Variants in CLCN3 observed in about 807,000 individuals in gnomAD.
CLCN3 encodes the protein Cl-/H+ antiporter 3.
CLCN3 carries 16 observed loss-of-function variants against 83.4 expected under a neutral mutation model. That is an observed-to-expected ratio of 0.19 (90% CI 0.13 to 0.29). The LOEUF is 0.29. CLCN3 is among the 10% of genes least tolerant of loss of function. The pLI, the probability that CLCN3 is intolerant of heterozygous loss-of-function variation, is 1.00. For missense variants in CLCN3, 544 were observed against 1,006.0 expected (o/e 0.54, Z 6.21); for synonymous variants, 322 against 346.2 (o/e 0.93, Z 0.78).
intron 1 of CLCN3, among the ~76,000 whole-genome samples, chr4:169,628,489 C>T (rs2150197404): frequency 6.6e-6 from 1 of 152,216 alleles, no homozygotes; most frequent in Non-Finnish European, 1.5e-5. Context: ...AGAAAACGGA[C>T]AAAAGACATA....
chr4:169,637,505 G>T (rs1430458089), intron 2 of CLCN3, among the ~76,000 whole-genome samples: 2 of 151,574 alleles, frequency 1.3e-5, no homozygotes, highest in Non-Finnish European at 2.9e-5. Flanking sequence ...AAATGGAAAA[G>T]AAAAAAAATT....
At chr4:169,687,562 G>C (rs1224442934) in intron 3 of CLCN3, 96 bp from the exon 4 acceptor site, 3 of 725,940 alleles carry the variant, frequency 4.1e-6, no homozygotes, top group Non-Finnish European at 4.6e-6. Context: ...TGAAATTACT[G>C]TTCTATGTAT....
chr4:169,659,193 A>G (rs907222773), intron 2 of CLCN3, among the ~76,000 whole-genome samples: 3 of 152,194 alleles, frequency 2.0e-5, no homozygotes, highest in African/African-American at 7.2e-5. Context: ...CAGGCATTTC[A>G]GGAGGAGAAT....
At chr4:169,679,417 G>A (rs894618215) in intron 2 of CLCN3, among the ~76,000 whole-genome samples, 6 of 151,838 alleles carry the variant, frequency 4.0e-5, no homozygotes, top group East Asian at 2.0e-4. Context: ...CTGGGCGGCC[G>A]GGCAGAGGGG....
intron 9 of CLCN3, among the ~76,000 whole-genome samples, chr4:169,703,308 C>T (rs1035395422): frequency 2.0e-5 from 3 of 152,172 alleles, no homozygotes; most frequent in Non-Finnish European, 4.4e-5. Context: ...TAACACAAAG[C>T]ATAGTAAAAC....
At chr4:169,651,533 A>G (rs1730731001) in intron 2 of CLCN3, among the ~76,000 whole-genome samples, 1 of 152,166 alleles carries the variant, frequency 6.6e-6, no homozygotes, top group Non-Finnish European at 1.5e-5. Context: ...ATGACATAGT[A>G]TTTGCATATC....
intron 2 of CLCN3, among the ~76,000 whole-genome samples, chr4:169,638,277 C>T (rs1730291008): frequency 6.6e-6 from 1 of 152,146 alleles, no homozygotes; most frequent in Non-Finnish European, 1.5e-5. Flanking sequence ...CTTCAGAATA[C>T]TTTACCTCTT....
chr4:169,698,881 GCTGT>G (rs1560866910), intron 9 of CLCN3, among the ~76,000 whole-genome samples: 1 of 152,134 alleles, frequency 6.6e-6, no homozygotes, highest in East Asian at 1.9e-4. Context: ...TTGGCTCCTG[GCTGT>G]CTATTTGCAT....
At chr4:169,633,912 G>C (rs1216074319) in intron 1 of CLCN3, among the ~76,000 whole-genome samples, 3 of 151,896 alleles carry the variant, frequency 2.0e-5, no homozygotes, top group Admixed American at 6.6e-5. Flanking sequence ...TGCTGCATCA[G>C]TCAGTACAGC....
intron 2 of CLCN3, among the ~76,000 whole-genome samples, chr4:169,646,575 C>T (rs1040689330): frequency 1.3e-5 from 2 of 152,100 alleles, no homozygotes; most frequent in Non-Finnish European, 2.9e-5. Flanking sequence ...GGATTACAGG[C>T]GTGAGCCACA....
chr4:169,723,202 T>C lies in CLCN3; in HGVS notation c.*3205T>C, dbSNP rs1208331429. On this transcript the variant is annotated 3_prime_UTR_variant, in exon 13 of 13. Coordinates refer to ENST00000513761, the MANE Select transcript of CLCN3 (RefSeq NM_001829.4). ...ATATGACAATGTGTGGTTTGGCCTT[T>C]AATTATATCTGTAACAGTCCTCCCT... 7.9e-5 allele frequency: 12 copies of C among 152,240 alleles called. No individual in the cohort carries two copies. Among genetic ancestry groups the C allele is most frequent in the Non-Finnish European group, 1.8e-4 (12 of 68,042 alleles). 9.4% of individuals were successfully genotyped at this position (152,240 alleles called of 1,614,324 possible). A position where few individuals can be genotyped will look rare whatever the true frequency, so the allele number is the denominator to read the frequency against.
Position 169,641,607 on chromosome 4 carries a change from C to G in CLCN3, c.160+5519C>G, listed in dbSNP as rs75727436. On this transcript the variant is annotated intron_variant, in intron 2 of 12. Coordinates refer to ENST00000513761, the MANE Select transcript of CLCN3 (RefSeq NM_001829.4). ...TCAAAATATTTGTAAGTTTATTCAT[C>G]TGGTATTCTTCTGGGTGGCATATTC... is the stretch of plus-strand genomic sequence containing the variant. Among the ~76,000 whole-genome samples the G allele has an allele frequency of 2.8e-3, 423 of 152,258 alleles. 1 individual carries two copies. The highest frequency in any genetic ancestry group is 5.6e-3 in the South Asian group (27 of 4,832).
intron 2 of CLCN3, among the ~76,000 whole-genome samples, chr4:169,651,788 ATTATACATAAAATAATAAG>A (rs1474760630): frequency 6.6e-6 from 1 of 152,186 alleles, no homozygotes; most frequent in Non-Finnish European, 1.5e-5. Flanking sequence ...CAGAAGATTG[ATTATACATAAAATAATAAG>A]TCTATGGACC....
At chr4:169,668,043 A>ATTTGTTTTTTTTTTTTTTT (rs1560845763) in intron 2 of CLCN3, among the ~76,000 whole-genome samples, 1 of 82,344 alleles carries the variant, frequency 1.2e-5, no homozygotes, top group Non-Finnish European at 2.4e-5. Context: ...CCGGCCAGAC[A>ATTTGTTTTTTTTTTTTTTT]TTTTTTTTTT....
chr4:169,722,538 G>A lies in CLCN3; in HGVS notation c.*2541G>A, dbSNP rs974593285. 1.3e-5 allele frequency: 2 copies of A among 152,230 alleles called. No individual in the cohort carries two copies. The highest frequency in any genetic ancestry group is 2.9e-5 in the Non-Finnish European group (2 of 68,030). The allele number at this position is 152,230 out of a possible 1,614,324, so 9.4% of individuals were successfully genotyped here. A position where few individuals can be genotyped will look rare whatever the true frequency, so the allele number is the denominator to read the frequency against. ...CTGCTGGATAACTTAATTGTCCTGA[G>A]TTAATAGCCTTCAAAGGACAAATCG... On this transcript the variant is annotated 3_prime_UTR_variant, in exon 13 of 13. Coordinates refer to ENST00000513761, the MANE Select transcript of CLCN3 (RefSeq NM_001829.4).
At chr4:169,697,779 C>G in intron 9 of CLCN3, 45 bp downstream of exon 9, 1 of 1,307,112 alleles carries the variant, frequency 7.7e-7, no homozygotes, top group Admixed American at 1.9e-5. Context: ...TTGGCATGTT[C>G]AAAACTTATA....
At chr4:169,717,918 C>G in intron 12 of CLCN3, 2 of 1,275,380 alleles carry the variant, frequency 1.6e-6, no homozygotes, top group Non-Finnish European at 2.3e-6. Flanking sequence ...AGTCAGGAAG[C>G]ATGAAACTTG....
At position 169,697,749 on chromosome 4, in the gene CLCN3, G is replaced by A. The variant is rs769575966; in HGVS notation, c.1563+15G>A. 6.4e-7 allele frequency: 1 copy of A among 1,559,768 alleles called. No individual in the cohort carries two copies. Among genetic ancestry groups the A allele is most frequent in the African/African-American group, 1.4e-5 (1 of 73,950 alleles). ...TTGGCATCAAGGTAAGTGCTAATGT[G>A]AGGTGATATTTGGGTAATTTTGGCA... On this transcript the variant is annotated intron_variant, in intron 9 of 12. Transcript: ENST00000513761.
chr4:169,667,758 T>C (rs1731298300), intron 2 of CLCN3, among the ~76,000 whole-genome samples: 1 of 151,702 alleles, frequency 6.6e-6, no homozygotes, highest in East Asian at 1.9e-4. Flanking sequence ...TTTTTCTTTT[T>C]TTTTTTGAGA....
Sources: gnomAD v4.1 joint callset for allele counts (sites outside exome capture counted in the v4.1 genomes callset) on GRCh38, gnomAD v4.1.1 for gene constraint, MANE v1.5 for transcripts, NCBI Gene and HGNC (gene_info 2026-07-23, HGNC 2026-07-21) for gene names.